THRB: variants seen among roughly 807,000 people sequenced by gnomAD.
THRB encodes nuclear receptor subfamily 1 group A member 2.
THRB carries 12 observed loss-of-function variants against 47.8 expected under a neutral mutation model. The observed-to-expected ratio is 0.25, with a 90% CI of 0.16 to 0.41. THRB has a LOEUF of 0.41. Among genes scored for constraint, THRB ranks in the 10% least tolerant of loss-of-function variants. THRB has a pLI of 1.00. For missense variants in THRB, 348 were observed against 589.2 expected (o/e 0.59, Z 4.24); for synonymous variants, 218 against 212.2 (o/e 1.03, Z -0.24).
intron 3 of THRB, among the ~76,000 whole-genome samples, chr3:24,263,544 T>C (rs1179052195): frequency 6.6e-6 from 1 of 151,910 alleles, no homozygotes; most frequent in Non-Finnish European, 1.5e-5. Context: ...CCCTCAATTA[T>C]TTTTGGAGAT....
At chr3:24,313,785 G>T (rs1214548885) in intron 2 of THRB, among the ~76,000 whole-genome samples, 1 of 149,596 alleles carries the variant, frequency 6.7e-6, no homozygotes, top group African/African-American at 2.5e-5. Context: ...TGGTTCAAAG[G>T]CTTTTTTTAA....
chr3:24,261,823 C>CTCCA (rs1246923423), intron 3 of THRB, among the ~76,000 whole-genome samples: 28 of 152,196 alleles, frequency 1.8e-4, no homozygotes, highest in Admixed American at 1.8e-3. Context: ...TCCATTTACC[C>CTCCA]TCCAGGATGA....
intron 3 of THRB, among the ~76,000 whole-genome samples, chr3:24,277,132 G>T (rs139130610): frequency 4.7e-4 from 72 of 152,248 alleles, no homozygotes; most frequent in African/African-American, 1.6e-3. Context: ...GTTGGAAGTT[G>T]GTCTGGAACA....
In THRB at chr3:24,371,984, A is replaced by G. The variant is rs149225046; in HGVS notation, c.-260-34613T>C. ...TGCTTGCTCCTCTTGTTCTTTCTCT[A>G]TGCCCCCAATAACACCGGAAATCAT... On this transcript the variant is annotated intron_variant, in intron 1 of 10. Coordinates refer to ENST00000646209, the MANE Select transcript of THRB (RefSeq NM_001354712.2). 3.3e-3 allele frequency among the ~76,000 whole-genome samples: 503 copies of G among 152,132 alleles called. 7 individuals carry two copies. The highest frequency in any genetic ancestry group is 1.8e-3 in the Non-Finnish European group (122 of 67,996).
At chr3:24,468,292 A>G (rs1282760390) in intron 1 of THRB, among the ~76,000 whole-genome samples, 3 of 152,166 alleles carry the variant, frequency 2.0e-5, no homozygotes, top group South Asian at 2.1e-4. Flanking sequence ...CCACATTAGA[A>G]ATGAGGCTGT....
chr3:24,462,925 T>C (rs1306603371), intron 1 of THRB, among the ~76,000 whole-genome samples: 1 of 152,232 alleles, frequency 6.6e-6, no homozygotes, highest in Non-Finnish European at 1.5e-5. Flanking sequence ...TCTGCTTCTA[T>C]GCATGAGCAA....
chr3:24,365,612 G>T (rs975842046), intron 1 of THRB, among the ~76,000 whole-genome samples: 8 of 152,148 alleles, frequency 5.3e-5, no homozygotes, highest in Non-Finnish European at 1.2e-4. Flanking sequence ...GCAAACAGCA[G>T]CAGTCAATTG....
intron 4 of THRB, among the ~76,000 whole-genome samples, chr3:24,202,424 A>G (rs2044702405): frequency 6.6e-6 from 1 of 152,204 alleles, no homozygotes; most frequent in African/African-American, 2.4e-5. Context: ...TTAACCAAAC[A>G]AGAGACAGCT....
At chr3:24,402,645 AC>A (rs2067510906) in intron 1 of THRB, among the ~76,000 whole-genome samples, 2 of 151,976 alleles carry the variant, frequency 1.3e-5, no homozygotes, top group Non-Finnish European at 2.9e-5. Flanking sequence ...ATATACAATG[AC>A]TACATTATCA....
chr3:24,330,389 A>T (rs2061849610), intron 2 of THRB, among the ~76,000 whole-genome samples: 1 of 152,234 alleles, frequency 6.6e-6, no homozygotes, highest in Non-Finnish European at 1.5e-5. Flanking sequence ...TTAATTTTTT[A>T]AAAAGTTTAA....
chr3:24,134,706 A>G (rs2034386122), intron 8 of THRB, among the ~76,000 whole-genome samples: 1 of 152,166 alleles, frequency 6.6e-6, no homozygotes, highest in African/African-American at 2.4e-5. Flanking sequence ...CAGCCTCTCC[A>G]GCTGTCTCCC....
intron 3 of THRB, among the ~76,000 whole-genome samples, chr3:24,255,729 G>A (rs557988841): frequency 6.6e-6 from 1 of 152,360 alleles, no homozygotes; most frequent in South Asian, 2.1e-4. Context: ...GGTGAGGACA[G>A]GGAGCTGGAG....
At chr3:24,245,622 T>C (rs1022421947) in intron 3 of THRB, among the ~76,000 whole-genome samples, 1 of 152,098 alleles carries the variant, frequency 6.6e-6, no homozygotes, top group African/African-American at 2.4e-5. Context: ...AGCTATAAAC[T>C]GAGGGCCTGG....
At chr3:24,333,433 G>C (rs1283147414) in intron 2 of THRB, among the ~76,000 whole-genome samples, 1 of 152,188 alleles carries the variant, frequency 6.6e-6, no homozygotes, top group Non-Finnish European at 1.5e-5. Context: ...TTTATATCTT[G>C]TTATTTTCCA....
chr3:24,316,766 A>G (rs943180154), intron 2 of THRB, among the ~76,000 whole-genome samples: 2 of 152,010 alleles, frequency 1.3e-5, no homozygotes, highest in African/African-American at 4.8e-5. Context: ...ACCACCTTCC[A>G]CCAGTCCTAT....
chr3:24,373,532 T>C (rs2065062419), intron 1 of THRB, among the ~76,000 whole-genome samples: 1 of 152,092 alleles, frequency 6.6e-6, no homozygotes, highest in African/African-American at 2.4e-5. Flanking sequence ...CTTGCTGGCA[T>C]GACACTATCA....
chr3:24,275,930 A>G (rs1024123054), intron 3 of THRB, among the ~76,000 whole-genome samples: 9 of 152,192 alleles, frequency 5.9e-5, no homozygotes, highest in African/African-American at 1.9e-4. Flanking sequence ...CAGAGGCTGA[A>G]TAACTACTGG....
At chr3:24,397,702 C>T (rs1197827740) in intron 1 of THRB, among the ~76,000 whole-genome samples, 2 of 151,472 alleles carry the variant, frequency 1.3e-5, no homozygotes, top group Admixed American at 6.6e-5. Context: ...CCTGCCTCAG[C>T]CTCCCAAGTA....
intron 1 of THRB, among the ~76,000 whole-genome samples, chr3:24,438,352 A>G (rs10510544): frequency 0.47 from 71,412 of 151,948 alleles, 19,339 homozygotes; most frequent in East Asian, 0.66. Flanking sequence ...AACATAGAGC[A>G]GTTAAAAAGA....
Sources: allele counts gnomAD v4.1 joint callset (sites outside exome capture counted in the v4.1 genomes callset), GRCh38; gene constraint gnomAD v4.1.1; transcripts MANE v1.5; gene names NCBI Gene and HGNC (gene_info 2026-07-23, HGNC 2026-07-21).